The following ANK1 variants were observed in gnomAD, a reference collection of about 807,000 sequenced individuals.
ANK1 encodes the protein ankyrin-1.
Under a neutral mutation model 210.4 loss-of-function variants are expected in ANK1, and 51 were observed. The ratio of observed to expected loss-of-function variants is 0.24; its 90% CI spans 0.19 to 0.31. The LOEUF is 0.31. Ranked by LOEUF, ANK1 falls within the 10% of genes least tolerant of loss-of-function variation. The pLI is 1.00. For synonymous variants in ANK1, 967 were observed against 1,025.9 expected, an observed-to-expected ratio of 0.94 and a Z score of 1.10; for missense variants, 2,051 against 2,504.4, an observed-to-expected ratio of 0.82 and a Z score of 3.86.
intron 36 of ANK1, 132 bp downstream of exon 36, chr8:41,686,020 G>T: frequency 2.8e-6 from 4 of 1,419,472 alleles, no homozygotes; most frequent in Non-Finnish European, 2.0e-6. Context: ...TGCGAGTGGT[G>T]CGTGAGTGTG....
chr8:41,706,168 C>A lies in ANK1; in HGVS notation c.2072G>T (p.Gly691Val). ...CCGGGTGGTGGCGTCCACCATGACG[C>A]CGTGTTTGATCAGCACATCTGCCAC... is the stretch of plus-strand genomic sequence containing the variant. ...VPVADVLIKH[G>V]VMVDATTRMG... The change falls in exon 18 of 43, where the codon GGC (glycine) becomes GTC (valine). Residue 691 changes from glycine (G) to valine (V), a missense_variant. By Grantham distance (109) the Gly-to-Val change is moderately radical. Transcript: ENST00000289734. 1 of 1,614,012 alleles carries A rather than the reference C, an allele frequency of 6.2e-7. No individual in the cohort carries two copies. Among genetic ancestry groups the A allele is most frequent in the Non-Finnish European group, 8.5e-7 (1 of 1,179,906 alleles).
At chr8:41,851,293 C>T (rs538840930) in intron 1 of ANK1, among the ~76,000 whole-genome samples, 10 of 152,286 alleles carry the variant, frequency 6.6e-5, no homozygotes, top group Middle Eastern at 3.4e-3. Flanking sequence ...GAAGCTTCCC[C>T]GAGGATGGCA....
chr8:41,783,802 C>T (rs1845804506), intron 1 of ANK1, among the ~76,000 whole-genome samples: 1 of 152,138 alleles, frequency 6.6e-6, no homozygotes, highest in African/African-American at 2.4e-5. Context: ...GTGGCTCACA[C>T]CTGTAATTCC....
chr8:41,821,271 C>A (rs77896037), intron 1 of ANK1, among the ~76,000 whole-genome samples: 1 of 152,010 alleles, frequency 6.6e-6, no homozygotes, highest in East Asian at 1.9e-4. Context: ...AATATGATAT[C>A]AAAAAATAAA....
At chr8:41,717,130 T>A (rs1827899333) in intron 12 of ANK1, 79 bp from the exon 13 acceptor site, 1 of 1,507,862 alleles carries the variant, frequency 6.6e-7, no homozygotes, top group African/African-American at 1.4e-5. Context: ...GGAAGTGCAG[T>A]CTGGAGTGGC....
chr8:41,678,774 T>C lies in ANK1; in HGVS notation c.4537+5770A>G, dbSNP rs146428328. On this transcript the variant is annotated intron_variant, in intron 37 of 42. Transcript: ENST00000289734. ...ATCACCGTTTTAGTATCTTTGCTAA[T>C]TCTTTTTTTGTTTGTTTGTTTGTTT... Among the ~76,000 whole-genome samples, 86 of 152,298 alleles carry C rather than the reference T, an allele frequency of 5.6e-4. No individual in the cohort carries two copies. The East Asian group carries it at 0.016, about 28-fold the overall frequency.
chr8:41,657,513 G>A (rs1806172537), intron 42 of ANK1, among the ~76,000 whole-genome samples: 1 of 152,218 alleles, frequency 6.6e-6, no homozygotes, highest in African/African-American at 2.4e-5. Context: ...ATATTTCCCT[G>A]ACTAGATTAG....
intron 40 of ANK1, among the ~76,000 whole-genome samples, chr8:41,663,358 G>C (rs975785907): frequency 2.0e-5 from 3 of 152,116 alleles, no homozygotes; most frequent in Admixed American, 2.0e-4. Flanking sequence ...GCTGTTTTCA[G>C]GGTTAGGCAT....
intron 1 of ANK1, among the ~76,000 whole-genome samples, chr8:41,791,095 G>A (rs1459350177): frequency 6.6e-6 from 1 of 151,342 alleles, no homozygotes; most frequent in Admixed American, 6.6e-5. Context: ...TCCACTGTTT[G>A]CAAATCATCA....
intron 1 of ANK1, among the ~76,000 whole-genome samples, chr8:41,870,909 T>C (rs901560236): frequency 7.9e-5 from 12 of 152,192 alleles, no homozygotes; most frequent in African/African-American, 2.7e-4. Context: ...AAGGATGAGC[T>C]GCTCCCCACC....
In ANK1 at chr8:41,857,601, G is replaced by A. The variant is rs540567335; in HGVS notation, c.126+38754C>T. 2.0e-5 allele frequency among the ~76,000 whole-genome samples: 3 copies of A among 152,188 alleles called. No individual in the cohort carries two copies. In the East Asian group the frequency reaches 5.8e-4, roughly 30 times the overall value. On this transcript the variant is annotated intron_variant, in intron 1 of 42. Transcript: ENST00000265709. Reference sequence around the variant, plus strand: ...TAAAAATACAAAATTAGCCAGGCATGGTGGCACATGCCTGTAATCCCAGCT... The same window carrying A: ...TAAAAATACAAAATTAGCCAGGCATAGTGGCACATGCCTGTAATCCCAGCT...
At chr8:41,674,434 C>T (rs537010824) in intron 37 of ANK1, among the ~76,000 whole-genome samples, 1 of 152,330 alleles carries the variant, frequency 6.6e-6, no homozygotes, top group East Asian at 1.9e-4. Context: ...TAGGGTCCCT[C>T]GCTAAGGCGG....
At chr8:41,723,414 C>A in intron 8 of ANK1, 121 bp downstream of exon 8, 2 of 1,245,688 alleles carry the variant, frequency 1.6e-6, no homozygotes, top group South Asian at 2.4e-5. Flanking sequence ...CTGCTGCAGG[C>A]GGCTCCGGGA....
At position 41,692,268 on chromosome 8, in the gene ANK1, G is replaced by A. The variant is rs192427606; in HGVS notation, c.3858+380C>T. On this transcript the variant is annotated intron_variant, in intron 31 of 42. Coordinates refer to ENST00000289734, the MANE Select transcript of ANK1 (RefSeq NM_000037.4). ...GACAGGGTTTCACCATGTTGGCCAG[G>A]CTGGTCTCGAACTCCTGACCTCAGG... Among the ~76,000 whole-genome samples the A allele has an allele frequency of 1.6e-3, 249 of 152,274 alleles. 1 individual carries two copies. The highest frequency in any genetic ancestry group is 5.8e-3 in the African/African-American group (240 of 41,566).
chr8:41,708,043 A>G (rs1825133817), intron 17 of ANK1, among the ~76,000 whole-genome samples: 1 of 152,182 alleles, frequency 6.6e-6, no homozygotes. Context: ...GTGACTGCTA[A>G]CGGGTACGAG....
chr8:41,776,819 C>T (rs1844148010), intron 1 of ANK1, among the ~76,000 whole-genome samples: 1 of 152,254 alleles, frequency 6.6e-6, no homozygotes, highest in South Asian at 2.1e-4. Context: ...CCAAGATGCA[C>T]TTAAGCTCCT....
At chr8:41,765,907 A>C (rs951460799) in intron 1 of ANK1, among the ~76,000 whole-genome samples, 1 of 152,186 alleles carries the variant, frequency 6.6e-6, no homozygotes, top group African/African-American at 2.4e-5. Context: ...ACCAGCAGGC[A>C]GACCCAGGTG....
chr8:41,820,185 G>C (rs13262554), intron 1 of ANK1, among the ~76,000 whole-genome samples: 56,316 of 150,662 alleles, frequency 0.37, 11,013 homozygotes, highest in Non-Finnish European at 0.43. Context: ...TTTTAGATGG[G>C]GTCTCACTCT....
At chr8:41,734,131 A>G in intron 2 of ANK1, 62 bp from the exon 3 acceptor site, 1 of 1,412,740 alleles carries the variant, frequency 7.1e-7, no homozygotes. Flanking sequence ...TGCACGTCCC[A>G]GTGGGGGCCC....
Sources: allele counts gnomAD v4.1 joint callset (sites outside exome capture counted in the v4.1 genomes callset), GRCh38; gene constraint gnomAD v4.1.1; transcripts MANE v1.5; gene names NCBI Gene and HGNC (gene_info 2026-07-23, HGNC 2026-07-21).